Variants in ITGA4 observed in about 807,000 individuals in gnomAD.
ITGA4 encodes the protein integrin subunit alpha 4.
A neutral mutation model predicts 133.6 loss-of-function variants in ITGA4; 63 were observed. That is an observed-to-expected ratio of 0.47 (90% CI 0.38 to 0.58). The LOEUF (loss-of-function observed/expected upper bound fraction) is 0.58, where lower values mean the gene tolerates loss of function less well. ITGA4 is among the 20% of genes least tolerant of loss of function. The pLI is 0.00. For synonymous variants in ITGA4, 483 were observed against 438.0 expected (o/e 1.10, Z -1.28); for missense variants, 1,076 against 1,252.7 (o/e 0.86, Z 2.13).
At chr2:181,473,961 C>A (rs1685615626) in intron 2 of ITGA4, among the ~76,000 whole-genome samples, 1 of 152,106 alleles carries the variant, frequency 6.6e-6, no homozygotes, top group African/African-American at 2.4e-5. Context: ...GACTAGTGTT[C>A]AAAATTAACA....
chr2:181,463,117 A>G (rs1559035721), intron 2 of ITGA4, among the ~76,000 whole-genome samples: 1 of 152,160 alleles, frequency 6.6e-6, no homozygotes, highest in Non-Finnish European at 1.5e-5. Context: ...GGAAGAGGCT[A>G]TGGAAAAGTT....
At chr2:181,473,737 G>A (rs1305659331) in intron 2 of ITGA4, among the ~76,000 whole-genome samples, 1 of 152,162 alleles carries the variant, frequency 6.6e-6, no homozygotes, top group African/African-American at 2.4e-5. Context: ...GGAGGTCAAA[G>A]CAAGAGGATC....
rs370357165 is a variant in ITGA4, at chr2:181,534,318, C to T, written c.2831C>T (p.Pro944Leu). 1 of 1,611,772 alleles carries T rather than the reference C, an allele frequency of 6.2e-7. No individual in the cohort carries two copies. Among genetic ancestry groups the T allele is most frequent in the Non-Finnish European group, 8.5e-7 (1 of 1,178,160 alleles). Residue 944 changes from proline (P) to leucine (L), a missense_variant, in exon 26 of 28, where the codon CCA becomes CTA. Pro to Leu is a moderately conservative substitution (Grantham distance 98). Coordinates refer to ENST00000397033, the MANE Select transcript of ITGA4 (RefSeq NM_000885.6). ...LKFEIRATGFPEPNPRVIELN... is the reference protein window; with the variant it reads ...LKFEIRATGFLEPNPRVIELN... ...TTTGAAATAAGAGCAACAGGTTTTC[C>T]AGAGCCAAATCCAAGAGTAATTGAA...
intron 11 of ITGA4, among the ~76,000 whole-genome samples, chr2:181,494,468 T>C (rs181036355): frequency 3.9e-5 from 6 of 152,298 alleles, no homozygotes; most frequent in Admixed American, 1.3e-4. Flanking sequence ...GAGTAAAGAC[T>C]ATTTCAGAAA....
chr2:181,482,670 A>C lies in ITGA4; in HGVS notation c.1041+19A>C, dbSNP rs751760077. 2 of 1,608,394 alleles carry C rather than the reference A, an allele frequency of 1.2e-6. No individual in the cohort carries two copies. Among genetic ancestry groups the C allele is most frequent in the Non-Finnish European group, 1.7e-6 (2 of 1,175,474 alleles). On this transcript the variant is annotated intron_variant, in intron 9 of 27. Transcript: ENST00000397033. ...TGGCTCGGTATGTCCAAGTGCCCCA[A>C]CTGGAAGCCATTTATGGAATTATGA...
In ITGA4 at chr2:181,523,491, G is replaced by C. The variant is rs764498817; in HGVS notation, c.2128G>C (p.Asp710His). ...AGATAACTCTGGCGTGGTACAACTT[G>C]ACTGCAGTATTGGCTATATATATGT... ...VTDNSGVVQL[D>H]CSIGYIYVDH... Residue 710 changes from aspartate (D) to histidine (H), a missense_variant, in exon 19 of 28, where the codon GAC becomes CAC. By Grantham distance (81) the Asp-to-His change is moderately conservative (BLOSUM62 -1). Around this residue, in one of 4 missense-constraint regions of ITGA4, gnomAD observed 365 missense variants for 421.4 expected, o/e 0.87. Coordinates refer to ENST00000397033, the MANE Select transcript of ITGA4 (RefSeq NM_000885.6). The surrounding 1 kb of genome is among the most constrained non-coding windows in gnomAD (Gnocchi z 4.2). 6.2e-7 allele frequency: 1 copy of C among 1,608,988 alleles called. No homozygotes were observed. The highest frequency in any genetic ancestry group is 8.5e-7 in the Non-Finnish European group (1 of 1,175,648).
chr2:181,538,299 C>A lies in ITGA4; in HGVS notation c.*2772C>A. The A allele has an allele frequency of 2.9e-6, 3 of 1,026,236 alleles. No homozygotes were observed. The highest frequency in any genetic ancestry group is 2.6e-5 in the South Asian group (2 of 76,950). The allele number at this position is 1,026,236 out of a possible 1,614,324, so 63.6% of individuals were successfully genotyped here. On this transcript the variant is annotated 3_prime_UTR_variant, in exon 28 of 28. Transcript: ENST00000397033. ...TTATTTTGTTGTTTTTCACATACACCTAATAAGTATGGTACACAATGCCAA... is the reference window on the plus strand; with the variant it reads ...TTATTTTGTTGTTTTTCACATACACATAATAAGTATGGTACACAATGCCAA...
At chr2:181,520,545 G>C (rs1363148230) in intron 17 of ITGA4, among the ~76,000 whole-genome samples, 1 of 151,996 alleles carries the variant, frequency 6.6e-6, no homozygotes, top group Non-Finnish European at 1.5e-5. Context: ...AGAAGGACTT[G>C]AGACAGATAA....
chr2:181,529,790 C>A, intron 23 of ITGA4, 142 bp downstream of exon 23: 2 of 556,092 alleles, frequency 3.6e-6, no homozygotes, highest in South Asian at 2.4e-5. Flanking sequence ...TATGAATTCA[C>A]CATGCATTTA....
chr2:181,528,300 T>C (rs560673357), intron 22 of ITGA4, among the ~76,000 whole-genome samples: 2 of 152,332 alleles, frequency 1.3e-5, no homozygotes, highest in South Asian at 4.1e-4. Flanking sequence ...AAAATTTTAG[T>C]TCTCCACTTT....
intron 17 of ITGA4, among the ~76,000 whole-genome samples, chr2:181,517,399 T>C (rs1447199873): frequency 6.6e-5 from 10 of 152,110 alleles, no homozygotes; most frequent in African/African-American, 1.2e-4. Flanking sequence ...TAGAGCCTGG[T>C]GCTGCGGTAC....
At chr2:181,504,329 G>A (rs1351231907) in intron 15 of ITGA4, among the ~76,000 whole-genome samples, 1 of 151,898 alleles carries the variant, frequency 6.6e-6, no homozygotes, top group African/African-American at 2.4e-5. Flanking sequence ...GGTTTATTTT[G>A]TTATGTAAAT....
intron 10 of ITGA4, among the ~76,000 whole-genome samples, chr2:181,490,001 A>C (rs1686011074): frequency 6.6e-6 from 1 of 152,148 alleles, no homozygotes; most frequent in Admixed American, 6.5e-5. Context: ...AAGGGGGTGC[A>C]CGTGAGAGGG....
Position 181,494,726 on chromosome 2 carries a change from T to C in ITGA4, c.1253T>C (p.Ile418Thr). 1 of 1,573,114 alleles carries C rather than the reference T, an allele frequency of 6.4e-7. No individual in the cohort carries two copies. The highest frequency in any genetic ancestry group is 1.3e-5 in the African/African-American group (1 of 74,228). The change falls in exon 12 of 28, where the codon ATT (isoleucine) becomes ACT (threonine). Residue 418 changes from isoleucine (I) to threonine (T), a missense_variant. Around this residue, in one of 4 missense-constraint regions of ITGA4, gnomAD observed 436 missense variants for 590.7 expected, o/e 0.74. Transcript: ENST00000397033. Reference protein sequence around the residue: ...DGISSTFSQRIEGLQISKSLS... With the variant: ...DGISSTFSQRTEGLQISKSLS... Reference sequence around the variant, plus strand: ...CTCAACTTTCCTATTTTTCAGAGAATTGAAGGACTTCAGATCAGCAAATCG... The same window carrying C: ...CTCAACTTTCCTATTTTTCAGAGAACTGAAGGACTTCAGATCAGCAAATCG...
intron 2 of ITGA4, among the ~76,000 whole-genome samples, chr2:181,467,723 A>C (rs1312277255): frequency 6.6e-6 from 1 of 152,214 alleles, no homozygotes; most frequent in East Asian, 1.9e-4. Flanking sequence ...GATTTCAGTT[A>C]ATTCATATGT....
rs1687052251 is a variant in ITGA4 at position 181,535,595 on chromosome 2, G to A, written c.*68G>A. On this transcript the variant is annotated 3_prime_UTR_variant, in exon 28 of 28. Coordinates refer to ENST00000397033, the MANE Select transcript of ITGA4 (RefSeq NM_000885.6). ...GTAGTAAAGAAATTTAAAAGACACT[G>A]TTTACAAGAAAAAATGAATTTTGTT... 2.7e-6 allele frequency: 4 copies of A among 1,504,400 alleles called. No homozygotes were observed. Among genetic ancestry groups the A allele is most frequent in the Non-Finnish European group, 3.5e-6 (4 of 1,127,362 alleles). 93.2% of individuals were successfully genotyped at this position (1,504,400 alleles called of 1,614,324 possible).
At position 181,537,204 on chromosome 2, in the gene ITGA4, C is replaced by CGATTTAGAACTGTCTTCTCCAGG. The variant is rs1687172202; in HGVS notation, c.*1678_*1700dup. ...GGATCATAGATGAAAAATCAAGCCC[C>CGATTTAGAACTGTCTTCTCCAGG]GATTTAGAACTGTCTTCTCCAGGAT... On this transcript the variant is annotated 3_prime_UTR_variant, in exon 28 of 28. Transcript: ENST00000397033. 2.2e-6 allele frequency: 1 copy of CGATTTAGAACTGTCTTCTCCAGG among 452,852 alleles called. No individual in the cohort carries two copies. The allele number at this position is 452,852 out of a possible 1,614,324, so 28.1% of individuals were successfully genotyped here.
chr2:181,536,746 T>TA lies in ITGA4; in HGVS notation c.*1219_*1220insA. ...TTCTATTTTAAATGACTTTCTGGATTTTAAAAAATTTCTTTAAATACAATC... is the reference window on the plus strand; with the variant it reads ...TTCTATTTTAAATGACTTTCTGGATTATTAAAAAATTTCTTTAAATACAATC... On this transcript the variant is annotated 3_prime_UTR_variant, in exon 28 of 28. Coordinates refer to ENST00000397033, the MANE Select transcript of ITGA4 (RefSeq NM_000885.6). The TA allele has an allele frequency of 4.0e-6, 1 of 248,506 alleles. No homozygotes were observed. Among genetic ancestry groups the TA allele is most frequent in the Non-Finnish European group, 8.1e-6 (1 of 123,598 alleles). 15.4% of individuals were successfully genotyped at this position (248,506 alleles called of 1,614,324 possible).
chr2:181,527,294 C>T lies in ITGA4; in HGVS notation c.2340-3C>T, dbSNP rs1301289387. 1.3e-6 allele frequency: 2 copies of T among 1,580,136 alleles called. No homozygotes were observed. The highest frequency in any genetic ancestry group is 1.7e-6 in the Non-Finnish European group (2 of 1,150,416). Reference sequence around the variant, plus strand: ...TAATTAAATTTGAATTTGTTTTTACCAGGTTTGTAAACCCAACTTCATTTG... The same window carrying T: ...TAATTAAATTTGAATTTGTTTTTACTAGGTTTGTAAACCCAACTTCATTTG... On this transcript the variant is annotated splice_region_variant and splice_polypyrimidine_tract_variant and intron_variant, in intron 21 of 27. Coordinates refer to ENST00000397033, the MANE Select transcript of ITGA4 (RefSeq NM_000885.6).
Sources: allele counts gnomAD v4.1 joint callset (sites outside exome capture counted in the v4.1 genomes callset), GRCh38; gene constraint gnomAD v4.1.1; regional missense constraint gnomAD v4.1.1; non-coding constraint Gnocchi (gnomAD v3.1); transcripts MANE v1.5; gene names NCBI Gene and HGNC (gene_info 2026-07-23, HGNC 2026-07-21).